CPN1: variants seen among roughly 807,000 people sequenced by gnomAD.
CPN1 encodes the protein carboxypeptidase N catalytic chain.
A neutral mutation model predicts 46.4 loss-of-function variants in CPN1; 37 were observed. The observed-to-expected ratio is 0.80, with a 90% CI of 0.61 to 1.05. The LOEUF (loss-of-function observed/expected upper bound fraction) is 1.05. CPN1 is among the 50% of genes least tolerant of loss of function. The pLI is 0.00. For missense variants in CPN1, 563 were observed against 602.6 expected, an observed-to-expected ratio of 0.93 and a Z score of 0.69; for synonymous variants, 224 against 235.4, an observed-to-expected ratio of 0.95 and a Z score of 0.44.
chr10:100,081,464 G>T lies in CPN1; in HGVS notation c.162C>A (p.Ser54Arg). 1 of 1,614,014 alleles carries T rather than the reference G, an allele frequency of 6.2e-7. No homozygotes were observed. The highest frequency in any genetic ancestry group is 1.1e-5 in the South Asian group (1 of 91,074). The change falls in exon 1 of 9, where the codon AGC becomes AGA. Residue 54 changes from serine to arginine, a missense_variant. Coordinates refer to ENST00000370418, the MANE Select transcript of CPN1 (RefSeq NM_001308.3). ...GCACGTAGAGGTGTCTCCCCTCCAC[G>T]CTGCGCCCAATGCTGTAGACCCGCG... is the stretch of plus-strand genomic sequence containing the variant. ...GITRVYSIGRSVEGRHLYVLE... is the reference protein window; with the variant it reads ...GITRVYSIGRRVEGRHLYVLE...
chr10:100,078,688 AG>A (rs2041528425), intron 1 of CPN1, among the ~76,000 whole-genome samples: 1 of 152,238 alleles, frequency 6.6e-6, no homozygotes, highest in South Asian at 2.1e-4. Flanking sequence ...TTACCAAAAC[AG>A]GTGGCTGGCC....
intron 6 of CPN1, among the ~76,000 whole-genome samples, chr10:100,055,541 T>A (rs2041380520): frequency 6.6e-6 from 1 of 152,186 alleles, no homozygotes; most frequent in East Asian, 1.9e-4. Context: ...TTCCTTTTTT[T>A]GAGATGGAGT....
At chr10:100,076,710 G>A (rs1564777066) in intron 1 of CPN1, among the ~76,000 whole-genome samples, 2 of 152,194 alleles carry the variant, frequency 1.3e-5, no homozygotes, top group South Asian at 2.1e-4. Flanking sequence ...GCTCCGCAGC[G>A]ATGGATCTAA....
intron 5 of CPN1, among the ~76,000 whole-genome samples, chr10:100,061,687 G>A (rs1739112091): frequency 6.6e-6 from 1 of 152,054 alleles, no homozygotes; most frequent in Admixed American, 6.6e-5. Flanking sequence ...CTCAGAGGAT[G>A]GAGAGGGAGA....
At chr10:100,076,263 T>A (rs908704485) in intron 1 of CPN1, among the ~76,000 whole-genome samples, 156 bp from the exon 2 acceptor site, 1 of 152,158 alleles carries the variant, frequency 6.6e-6, no homozygotes, top group South Asian at 2.1e-4. Flanking sequence ...TCCTAACCAA[T>A]TACAGTTACA....
In CPN1 at chr10:100,081,793, G is replaced by A. The variant is rs1793099236; in HGVS notation, c.-168C>T. ...CCGTCCAAGGCTGGAAATTCTTTATGTCGTTCTGGAATAGCCACTCATCTC... is the reference window on the plus strand; with the variant it reads ...CCGTCCAAGGCTGGAAATTCTTTATATCGTTCTGGAATAGCCACTCATCTC... On this transcript the variant is annotated 5_prime_UTR_variant, in exon 1 of 9. Transcript: ENST00000370418. 4.5e-6 allele frequency: 3 copies of A among 673,088 alleles called. No homozygotes were observed. The highest frequency in any genetic ancestry group is 4.2e-5 in the Admixed American group (2 of 48,154). The allele number at this position is 673,088 out of a possible 1,614,324, so 41.7% of individuals were successfully genotyped here.
chr10:100,065,152 A>T, intron 4 of CPN1, 36 bp downstream of exon 4: 1 of 1,600,736 alleles, frequency 6.2e-7, no homozygotes, highest in Admixed American at 1.7e-5. Context: ...CTGAGCCCCA[A>T]GTTCCCCTGG....
At chr10:100,056,917 G>A (rs537443028) in intron 6 of CPN1, 96 bp downstream of exon 6, 2 of 1,504,756 alleles carry the variant, frequency 1.3e-6, no homozygotes, top group South Asian at 1.1e-5. Flanking sequence ...GACTGAGTCA[G>A]AGCAAAAGTC....
intron 8 of CPN1, among the ~76,000 whole-genome samples, chr10:100,044,590 G>A (rs1327365777): frequency 7.2e-5 from 11 of 152,084 alleles, no homozygotes; most frequent in Admixed American, 7.2e-4. Context: ...TGCCCAGGCT[G>A]GTCTCAAACC....
chr10:100,044,357 C>T (rs11599088), intron 8 of CPN1, among the ~76,000 whole-genome samples: 37,711 of 151,748 alleles, frequency 0.25, 5,576 homozygotes, highest in Non-Finnish European at 0.34. Flanking sequence ...AACACTGGGC[C>T]CCGGAAGATA....
At chr10:100,074,043 C>T (rs1045529343) in intron 2 of CPN1, among the ~76,000 whole-genome samples, 4 of 152,084 alleles carry the variant, frequency 2.6e-5, no homozygotes, top group African/African-American at 9.7e-5. Flanking sequence ...ATCCCCCCCC[C>T]ACAATACTCC....
chr10:100,042,562 G>A lies in CPN1; in HGVS notation c.1242C>T (p.His414=), dbSNP rs1040329963. ...TTACTTGAGGGATGCTTCTTTTGAG[G>A]TGGAAGTTAACCTGGAAGAAAAAAA... ...GPAEPTLVNF[H]LKRSIPQVSP... is the part of the protein sequence containing the mutation. Residue 414 remains histidine, a synonymous_variant, in exon 9 of 9, where the codon CAC becomes CAT. Coordinates refer to ENST00000370418, the MANE Select transcript of CPN1 (RefSeq NM_001308.3). The A allele has an allele frequency of 1.3e-5, 21 of 1,613,820 alleles. No individual in the cohort carries two copies. Among genetic ancestry groups the A allele is most frequent in the Non-Finnish European group, 1.8e-5 (21 of 1,180,004 alleles).
At chr10:100,070,969 G>T (rs1160040678) in intron 2 of CPN1, among the ~76,000 whole-genome samples, 2 of 152,080 alleles carry the variant, frequency 1.3e-5, no homozygotes, top group African/African-American at 4.8e-5. Context: ...TCCTAGCGTA[G>T]GTAATAACTT....
At chr10:100,081,263 G>A in intron 1 of CPN1, 140 bp downstream of exon 1, 1 of 767,290 alleles carries the variant, frequency 1.3e-6, no homozygotes, top group South Asian at 1.5e-5. Flanking sequence ...AGGGCTAAGA[G>A]GGAAATAGCA....
intron 5 of CPN1, among the ~76,000 whole-genome samples, chr10:100,060,288 A>T (rs540540693): frequency 6.6e-6 from 1 of 152,192 alleles, no homozygotes; most frequent in African/African-American, 2.4e-5. Context: ...GAAGCTGGGC[A>T]TGGTGGCTCA....
At chr10:100,054,537 T>C (rs1341148655) in intron 6 of CPN1, 91 bp from the exon 7 acceptor site, 2 of 1,055,428 alleles carry the variant, frequency 1.9e-6, no homozygotes, top group South Asian at 1.3e-5. Flanking sequence ...CTTATGTTTT[T>C]GTATTTTATC....
chr10:100,047,823 TA>T (rs34829005), intron 8 of CPN1, among the ~76,000 whole-genome samples: 65,482 of 150,982 alleles, frequency 0.43, 15,016 homozygotes, highest in African/African-American at 0.55. Flanking sequence ...CCATTTCTAC[TA>T]AAAAAAACCC....
rs941736061 is a variant in CPN1, at chr10:100,054,362, G to A, written c.1096C>T (p.His366Tyr). ...NAVISVSGIN[H>Y]DVTSGDHGDY... is the part of the protein sequence containing the mutation. ...GACCACCTACCTGAAGTGACATCAT[G>A]GTTAATCCCACTGACAGAAATGACA... The change falls in exon 7 of 9, where the codon CAT (histidine) becomes TAT (tyrosine). Residue 366 changes from histidine (H) to tyrosine (Y), a missense_variant. By Grantham distance (83) the His-to-Tyr change is moderately conservative (BLOSUM62 2). Transcript: ENST00000370418. 3.1e-6 allele frequency: 5 copies of A among 1,613,384 alleles called. No homozygotes were observed. The African/African-American group carries it at 6.7e-5, about 22-fold the overall frequency.
rs189865173 is a variant in CPN1, at chr10:100,047,584, T to G, written c.1230+1174A>C. On this transcript the variant is annotated intron_variant, in intron 8 of 8. Transcript: ENST00000370418. ...TATTACCTAGCTGTACCTACTTTGT[T>G]GAACCTACACATAAAAGTGGACAAT... is the stretch of plus-strand genomic sequence containing the variant. 4.0e-3 allele frequency among the ~76,000 whole-genome samples: 604 copies of G among 152,344 alleles called. 10 individuals carry two copies. The highest frequency in any genetic ancestry group is 7.0e-3 in the Admixed American group (107 of 15,306).
Sources: gnomAD v4.1 joint callset for allele counts (sites outside exome capture counted in the v4.1 genomes callset) on GRCh38, gnomAD v4.1.1 for gene constraint, MANE v1.5 for transcripts, NCBI Gene and HGNC (gene_info 2026-07-23, HGNC 2026-07-21) for gene names.